DNAH11: variants seen among roughly 807,000 people sequenced by gnomAD.
The protein encoded by DNAH11 is dynein axonemal heavy chain 11, also known as axonemal beta dynein heavy chain 11.
Under a neutral mutation model 526.0 loss-of-function variants are expected in DNAH11, and 442 were observed. That is an observed-to-expected ratio of 0.84 (90% CI 0.78 to 0.91). The LOEUF (loss-of-function observed/expected upper bound fraction) is 0.91. Among genes scored for constraint, DNAH11 ranks in the 40% least tolerant of loss-of-function variants. The probability of loss-of-function intolerance (pLI) is 0.00; values close to 1 mark genes in which losing one functional copy is unlikely to be tolerated. For missense variants in DNAH11, 6,989 were observed against 5,448.7 expected (o/e 1.28, Z -8.90); for synonymous variants, 2,461 against 1,935.9 (o/e 1.27, Z -7.12).
chr7:21,672,613 G>A (rs1583581036), intron 30 of DNAH11, among the ~76,000 whole-genome samples: 1 of 152,172 alleles, frequency 6.6e-6, no homozygotes, highest in South Asian at 2.1e-4. Context: ...TCTGCAGAGT[G>A]GCCTCTTCCA....
chr7:21,746,083 A>C lies in DNAH11; in HGVS notation c.8510+1020A>C, dbSNP rs558625604. Among the ~76,000 whole-genome samples, 3 of 152,330 alleles carry C rather than the reference A, an allele frequency of 2.0e-5. No individual in the cohort carries two copies. In the South Asian group the frequency reaches 6.2e-4, roughly 32 times the overall value. ...GGAACTTTGATTTTATTCTAAGTGC[A>C]GTGAGAAGTGGTTGGATGGGTTTTA... On this transcript the variant is annotated intron_variant, in intron 51 of 81. Transcript: ENST00000409508.
chr7:21,738,095 A>C (rs533501754), intron 46 of DNAH11, among the ~76,000 whole-genome samples: 2 of 152,334 alleles, frequency 1.3e-5, no homozygotes, highest in East Asian at 3.9e-4. Flanking sequence ...ATCAGATACT[A>C]CATCTCAGAC....
intron 68 of DNAH11, among the ~76,000 whole-genome samples, chr7:21,856,513 A>G (rs932589336): frequency 6.6e-6 from 1 of 152,210 alleles, no homozygotes; most frequent in Non-Finnish European, 1.5e-5. Context: ...CCAAAACTAC[A>G]CTAAGGCATT....
chr7:21,836,717 G>C (rs941936286), intron 65 of DNAH11, among the ~76,000 whole-genome samples: 5 of 152,030 alleles, frequency 3.3e-5, no homozygotes, highest in African/African-American at 1.2e-4. Flanking sequence ...CAGAGGCTCA[G>C]GCAGCAAAAG....
chr7:21,608,851 T>G (rs1236480043), intron 20 of DNAH11, among the ~76,000 whole-genome samples: 1 of 150,782 alleles, frequency 6.6e-6, no homozygotes, highest in Non-Finnish European at 1.5e-5. Context: ...TGTACGCTTA[T>G]AACTACAGGA....
rs771195567 is a variant in DNAH11, at chr7:21,773,971, T to C, written c.9308T>C (p.Ile3103Thr). The C allele has an allele frequency of 6.4e-7, 1 of 1,573,050 alleles. No individual in the cohort carries two copies. The highest frequency in any genetic ancestry group is 8.6e-7 in the Non-Finnish European group (1 of 1,159,886). ...SEKKERLVNG[I>T]QKLKTTASQV... Reference sequence around the variant, plus strand: ...AAAAAAGAACGCCTGGTGAACGGCATCCAAAAGCTAAAAACCACAGCCTCT... The same window carrying C: ...AAAAAAGAACGCCTGGTGAACGGCACCCAAAAGCTAAAAACCACAGCCTCT... Residue 3103 changes from isoleucine (I) to threonine (T), a missense_variant, in exon 56 of 82, where the codon ATC becomes ACC. Transcript: ENST00000409508.
intron 51 of DNAH11, 148 bp from the exon 52 acceptor site, chr7:21,748,432 T>A (rs1786250927): frequency 1.2e-6 from 1 of 865,534 alleles, no homozygotes; most frequent in African/African-American, 1.8e-5. Context: ...GAGGCTGCAA[T>A]GAGCCAAGAT....
intron 25 of DNAH11, among the ~76,000 whole-genome samples, chr7:21,627,952 T>G (rs1031617999): frequency 6.6e-6 from 1 of 152,164 alleles, no homozygotes; most frequent in Non-Finnish European, 1.5e-5. Flanking sequence ...TTTTTTTCAT[T>G]AGTGTTTCAT....
chr7:21,733,509 A>G (rs1785475230), intron 45 of DNAH11, among the ~76,000 whole-genome samples: 1 of 150,626 alleles, frequency 6.6e-6, no homozygotes, highest in African/African-American at 2.5e-5. Context: ...ACCTACAAGT[A>G]TGATCTAGCT....
Position 21,563,769 on chromosome 7 carries a change from C to G in DNAH11, c.983-417C>G, listed in dbSNP as rs77432186. 4.1e-3 allele frequency among the ~76,000 whole-genome samples: 630 copies of G among 152,220 alleles called. 6 individuals are homozygous for G. Among genetic ancestry groups the G allele is most frequent in the Middle Eastern group, 6.8e-3 (2 of 294 alleles). ...AACTGGAATGAGAGAGTAAACAATT[C>G]AATTGTGCTCATACCAAGTTCCTAG... On this transcript the variant is annotated intron_variant, in intron 5 of 81. Coordinates refer to ENST00000409508, the MANE Select transcript of DNAH11 (RefSeq NM_001277115.2).
intron 28 of DNAH11, among the ~76,000 whole-genome samples, chr7:21,649,962 G>C (rs1787552602): frequency 6.6e-6 from 1 of 152,202 alleles, no homozygotes; most frequent in African/African-American, 2.4e-5. Context: ...CCCATGCCCA[G>C]CGACTATTCT....
intron 54 of DNAH11, among the ~76,000 whole-genome samples, chr7:21,755,217 A>G (rs115192340): frequency 0.02 from 2,987 of 152,320 alleles, 82 homozygotes; most frequent in African/African-American, 0.062. Flanking sequence ...ATTAACAACC[A>G]TCAGATGTGT....
At chr7:21,725,512 A>C (rs1438325252) in intron 44 of DNAH11, among the ~76,000 whole-genome samples, 2 of 152,208 alleles carry the variant, frequency 1.3e-5, no homozygotes. Flanking sequence ...TATTTTTCCC[A>C]TTTTCCCATA....
At chr7:21,779,140 T>C (rs1787822769) in intron 57 of DNAH11, 36 bp downstream of exon 57, 1 of 1,581,856 alleles carries the variant, frequency 6.3e-7, no homozygotes, top group Admixed American at 1.7e-5. Context: ...TGCGGAGCTA[T>C]ATTTAGCACA....
chr7:21,842,412 G>A, intron 65 of DNAH11, 132 bp from the exon 66 acceptor site: 2 of 656,282 alleles, frequency 3.0e-6, no homozygotes, highest in East Asian at 2.8e-5. Context: ...AAATTTGGGA[G>A]TAGCTGAAAA....
At chr7:21,688,595 C>T (rs1249375585) in intron 34 of DNAH11, among the ~76,000 whole-genome samples, 1 of 152,226 alleles carries the variant, frequency 6.6e-6, no homozygotes, top group Non-Finnish European at 1.5e-5. Flanking sequence ...CAAGGCTCTA[C>T]TGGAGGTCTC....
chr7:21,797,827 GA>G (rs140254306), intron 61 of DNAH11, among the ~76,000 whole-genome samples: 1,751 of 152,118 alleles, frequency 0.012, 27 homozygotes, highest in African/African-American at 0.04. Flanking sequence ...TTCATTCAAT[GA>G]AAAAAAGGAA....
chr7:21,589,981 A>G (rs1330497409), intron 12 of DNAH11, among the ~76,000 whole-genome samples: 1 of 152,160 alleles, frequency 6.6e-6, no homozygotes, highest in Non-Finnish European at 1.5e-5. Context: ...TAAAAAACAT[A>G]AAACATATTA....
intron 48 of DNAH11, among the ~76,000 whole-genome samples, chr7:21,740,798 A>T (rs985607083): frequency 6.6e-6 from 1 of 152,206 alleles, no homozygotes; most frequent in East Asian, 1.9e-4. Flanking sequence ...AGGAATCATC[A>T]TACTGTTTTC....
Sources: gnomAD v4.1 joint callset for allele counts (sites outside exome capture counted in the v4.1 genomes callset) on GRCh38, gnomAD v4.1.1 for gene constraint, MANE v1.5 for transcripts, NCBI Gene and HGNC (gene_info 2026-07-23, HGNC 2026-07-21) for gene names.